PIEZO2: variants seen among roughly 807,000 people sequenced by gnomAD.
The protein encoded by PIEZO2 is piezo-type mechanosensitive ion channel component 2.
PIEZO2 carries 172 observed loss-of-function variants against 337.3 expected under a neutral mutation model. The observed-to-expected ratio is 0.51, with a 90% confidence interval of 0.45 to 0.58. The LOEUF (loss-of-function observed/expected upper bound fraction) is 0.58, where lower values mean the gene tolerates loss of function less well. PIEZO2 is among the 20% of genes least tolerant of loss of function. The probability of loss-of-function intolerance (pLI) is 0.00; values close to 1 mark genes in which losing one functional copy is unlikely to be tolerated. For missense variants in PIEZO2, 3,028 were observed against 3,391.3 expected (o/e 0.89, Z 2.66); for synonymous variants, 1,251 against 1,228.5 (o/e 1.02, Z -0.38).
Position 10,855,505 on chromosome 18 carries a change from G to A in PIEZO2, c.765C>T (p.Thr255=), listed in dbSNP as rs766913172. Residue 255 remains threonine (T), a synonymous_variant, in exon 7 of 56, where the codon ACC becomes ACT. Transcript: ENST00000674853. The surrounding 1 kb of genome is among the most constrained non-coding windows in gnomAD (Gnocchi z 4.9). Reference sequence around the variant, plus strand: ...CGAACGTCCGGCACCAGGACCACCAGGTGCACAGACCCAAAAATACAAAAA... The same window carrying A: ...CGAACGTCCGGCACCAGGACCACCAAGTGCACAGACCCAAAAATACAAAAA... ...VYFFVFLGLC[T]WWSWCRTFDP... The A allele has an allele frequency of 1.3e-6, 2 of 1,537,100 alleles. No individual in the cohort carries two copies. The highest frequency in any genetic ancestry group is 1.7e-6 in the Non-Finnish European group (2 of 1,146,908).
At chr18:10,790,986 G>T (rs1053393193) in intron 14 of PIEZO2, among the ~76,000 whole-genome samples, 4 of 152,140 alleles carry the variant, frequency 2.6e-5, no homozygotes, top group African/African-American at 4.8e-5. Context: ...TTACAGGCGC[G>T]AGCCACGGCG....
At chr18:11,093,659 T>A (rs2039170326) in intron 1 of PIEZO2, among the ~76,000 whole-genome samples, 1 of 135,110 alleles carries the variant, frequency 7.4e-6, no homozygotes, top group Non-Finnish European at 1.5e-5. Flanking sequence ...CAATCTCGGC[T>A]CACTGCAAGC....
chr18:10,798,984 G>A (rs1053520025), intron 11 of PIEZO2, among the ~76,000 whole-genome samples: 2 of 151,960 alleles, frequency 1.3e-5, no homozygotes, highest in African/African-American at 4.8e-5. Context: ...TGAGGGTGGG[G>A]TGGGGGTGGT....
At position 10,898,680 on chromosome 18, in the gene PIEZO2, G is replaced by T. The variant is rs377608842; in HGVS notation, c.329+12506C>A. Among the ~76,000 whole-genome samples, 2 of 152,112 alleles carry T rather than the reference G, an allele frequency of 1.3e-5. 1 individual carries two copies. Among genetic ancestry groups the T allele is most frequent in the South Asian group, 4.1e-4 (2 of 4,820 alleles). ...ATGAGGTAAGGAAATATTGGAATGAGGCTTAAGATCAGGGGAAGGGCCATT... is the reference window on the plus strand; with the variant it reads ...ATGAGGTAAGGAAATATTGGAATGATGCTTAAGATCAGGGGAAGGGCCATT... On this transcript the variant is annotated intron_variant, in intron 4 of 55. Coordinates refer to ENST00000674853, the MANE Select transcript of PIEZO2 (RefSeq NM_001378183.1).
At position 10,727,865 on chromosome 18, in the gene PIEZO2, G is replaced by C. The variant is rs1005769163; in HGVS notation, c.5029+3542C>G. The C allele has an allele frequency of 6.6e-6, 1 of 152,100 alleles. No homozygotes were observed. Among genetic ancestry groups the C allele is most frequent in the Non-Finnish European group, 1.5e-5 (1 of 68,056 alleles). 9.4% of individuals were successfully genotyped at this position (152,100 alleles called of 1,614,324 possible). ...CCTAAACCCCTCCTGGACCAGGTGA[G>C]GTGCAGAGCGCCTTTTGTGTAAGTT... On this transcript the variant is annotated intron_variant, in intron 36 of 55. Coordinates refer to ENST00000674853, the MANE Select transcript of PIEZO2 (RefSeq NM_001378183.1). The surrounding 1 kb of genome is among the most constrained non-coding windows in gnomAD (Gnocchi z 6.3).
rs527821001 is a variant in PIEZO2 at position 10,849,919 on chromosome 18, T to C, written c.917+5434A>G. Among the ~76,000 whole-genome samples, 57 of 152,360 alleles carry C rather than the reference T, an allele frequency of 3.7e-4. 1 individual carries two copies. The South Asian group carries it at 4.1e-3, about 11-fold the overall frequency. ...ATATTACTGGTCTTAGATTTAGTTA[T>C]GTGGATACACTTGAAGCTTTCTTCT... On this transcript the variant is annotated intron_variant, in intron 7 of 55. Transcript: ENST00000674853.
At chr18:11,029,253 C>T (rs989885358) in intron 2 of PIEZO2, among the ~76,000 whole-genome samples, 7 of 152,198 alleles carry the variant, frequency 4.6e-5, no homozygotes, top group East Asian at 1.9e-4. Flanking sequence ...GCTCCAGACC[C>T]GGCTCCCCAT....
chr18:11,114,433 A>T (rs773492203), intron 1 of PIEZO2, among the ~76,000 whole-genome samples: 1 of 152,222 alleles, frequency 6.6e-6, no homozygotes, highest in Non-Finnish European at 1.5e-5. Flanking sequence ...TGGGAGGCCG[A>T]GGCAGGAGGA....
chr18:10,998,410 C>T (rs2035409446), intron 2 of PIEZO2, among the ~76,000 whole-genome samples: 1 of 151,718 alleles, frequency 6.6e-6, no homozygotes, highest in Non-Finnish European at 1.5e-5. Flanking sequence ...CCAGTTAATT[C>T]ATGGAATTTC....
intron 3 of PIEZO2, among the ~76,000 whole-genome samples, chr18:10,922,902 T>C (rs1385667030): frequency 3.3e-5 from 5 of 152,172 alleles, no homozygotes; most frequent in Admixed American, 1.3e-4. Context: ...CTTAAGCATA[T>C]GGCCATGTTC....
In PIEZO2 at chr18:10,973,558, T is replaced by TA. The variant is rs1384360928; in HGVS notation, c.286+5976dup. 6.6e-6 allele frequency among the ~76,000 whole-genome samples: 1 copy of TA among 152,240 alleles called. No homozygotes were observed. The highest frequency in any genetic ancestry group is 2.4e-5 in the African/African-American group (1 of 41,466). ...TCAGATAAATTAGACAATGGATTCC[T>TA]AATCTTTTGATGCACAGGTGGCCAG... On this transcript the variant is annotated intron_variant, in intron 3 of 55. Coordinates refer to ENST00000674853, the MANE Select transcript of PIEZO2 (RefSeq NM_001378183.1). This position sits in a 1 kb window ranked among gnomAD's most constrained non-coding sequence, Gnocchi z 4.9.
chr18:11,122,357 G>GC (rs2040053974), intron 1 of PIEZO2, among the ~76,000 whole-genome samples: 1 of 152,148 alleles, frequency 6.6e-6, no homozygotes, highest in Non-Finnish European at 1.5e-5. Context: ...TAAACAATCA[G>GC]CCAGGAACTG....
intron 3 of PIEZO2, among the ~76,000 whole-genome samples, chr18:10,978,335 CA>C (rs1272591644): frequency 5.8e-5 from 8 of 136,868 alleles, no homozygotes; most frequent in Admixed American, 2.2e-4. Flanking sequence ...GACTCCATCT[CA>C]AAAAAAAAAC....
Position 10,953,958 on chromosome 18 carries a change from C to T in PIEZO2, c.286+25577G>A, listed in dbSNP as rs533131331. On this transcript the variant is annotated intron_variant, in intron 3 of 55. Coordinates refer to ENST00000674853, the MANE Select transcript of PIEZO2 (RefSeq NM_001378183.1). The surrounding 1 kb of genome is among the most constrained non-coding windows in gnomAD (Gnocchi z 5.2). ...AACTGAAGTCTGTCAGATTGAGGAC[C>T]AGGTGGTGTGCAGCTGGTTCAGCAC... Among the ~76,000 whole-genome samples the T allele has an allele frequency of 6.6e-6, 1 of 152,234 alleles. No individual in the cohort carries two copies. Among genetic ancestry groups the T allele is most frequent in the South Asian group, 2.1e-4 (1 of 4,818 alleles).
At chr18:11,095,492 G>C (rs1408518458) in intron 1 of PIEZO2, among the ~76,000 whole-genome samples, 2 of 152,160 alleles carry the variant, frequency 1.3e-5, no homozygotes, top group African/African-American at 2.4e-5. Context: ...GTCAACATTG[G>C]CTCTGCCCCC....
chr18:10,772,104 A>G (rs2038623793), intron 20 of PIEZO2, among the ~76,000 whole-genome samples: 1 of 152,226 alleles, frequency 6.6e-6, no homozygotes, highest in Non-Finnish European at 1.5e-5. Context: ...GATCTAAGGT[A>G]AGAACAACTC....
Position 10,726,971 on chromosome 18 carries a change from G to A in PIEZO2, c.5029+4436C>T. ...TTGAGGGCTGCAGACAGAGGCCCTG[G>A]ACAGAAGCTCCAGATAGGCCCCCAG... On this transcript the variant is annotated intron_variant, in intron 36 of 55. Transcript: ENST00000674853. This position sits in a 1 kb window ranked among gnomAD's most constrained non-coding sequence, Gnocchi z 5.9. 2 of 1,310,714 alleles carry A rather than the reference G, an allele frequency of 1.5e-6. No individual in the cohort carries two copies. Among genetic ancestry groups the A allele is most frequent in the Admixed American group, 4.6e-5 (2 of 43,800 alleles). The allele number at this position is 1,310,714 out of a possible 1,614,324, so 81.2% of individuals were successfully genotyped here.
intron 4 of PIEZO2, among the ~76,000 whole-genome samples, chr18:10,874,365 A>G (rs1383335252): frequency 6.6e-6 from 1 of 152,272 alleles, no homozygotes; most frequent in Non-Finnish European, 1.5e-5. Context: ...CTGTTGGTGG[A>G]AATGTATAAT....
At position 11,002,997 on chromosome 18, in the gene PIEZO2, A is replaced by C. The variant is rs761366726; in HGVS notation, c.161-23337T>G. On this transcript the variant is annotated intron_variant, in intron 2 of 55. Coordinates refer to ENST00000674853, the MANE Select transcript of PIEZO2 (RefSeq NM_001378183.1). The surrounding 1 kb of genome is among the most constrained non-coding windows in gnomAD (Gnocchi z 4.3). ...AGGCAAGAGGCGCTCCTGCTACCAG[A>C]GGCTTCCTCCTTGAATGACCAACAT... Among the ~76,000 whole-genome samples, 8 of 152,200 alleles carry C rather than the reference A, an allele frequency of 5.3e-5. No individual in the cohort carries two copies. Among genetic ancestry groups the C allele is most frequent in the Non-Finnish European group, 7.3e-5 (5 of 68,030 alleles).
Sources: allele counts gnomAD v4.1 joint callset (sites outside exome capture counted in the v4.1 genomes callset), GRCh38; gene constraint gnomAD v4.1.1; non-coding constraint Gnocchi (gnomAD v3.1); transcripts MANE v1.5; gene names NCBI Gene and HGNC (gene_info 2026-07-23, HGNC 2026-07-21).